The following TEC variants were observed in gnomAD, a reference collection of about 807,000 sequenced individuals.
The protein encoded by TEC is tyrosine-protein kinase Tec.
A neutral mutation model predicts 93.0 loss-of-function variants in TEC; 72 were observed. That is an observed-to-expected ratio of 0.77 (90% CI 0.64 to 0.94). The LOEUF is 0.94. Ranked by LOEUF, TEC falls within the 40% of genes least tolerant of loss-of-function variation. The pLI is 0.00. For synonymous variants in TEC, 249 were observed against 247.7 expected, an observed-to-expected ratio of 1.01 and a Z score of -0.05; for missense variants, 630 against 757.9, an observed-to-expected ratio of 0.83 and a Z score of 1.98.
intron 1 of TEC, among the ~76,000 whole-genome samples, chr4:48,248,866 CTTTT>C (rs34690737): frequency 7.3e-6 from 1 of 136,826 alleles, no homozygotes; most frequent in Non-Finnish European, 1.6e-5. Context: ...TCTCCTCTTT[CTTTT>C]TTTTTTTTTT....
chr4:48,259,613 G>A (rs567950126), intron 1 of TEC, among the ~76,000 whole-genome samples: 2 of 151,950 alleles, frequency 1.3e-5, no homozygotes, highest in African/African-American at 4.8e-5. Context: ...TTATTCAGGA[G>A]GCTGAGGCAT....
intron 1 of TEC, among the ~76,000 whole-genome samples, chr4:48,233,270 G>T (rs777870307): frequency 2.0e-5 from 3 of 151,578 alleles, no homozygotes; most frequent in Non-Finnish European, 2.9e-5. Flanking sequence ...AAATGGCACA[G>T]CCAGACTACC....
At chr4:48,265,915 A>G (rs1724629123) in intron 1 of TEC, among the ~76,000 whole-genome samples, 1 of 152,184 alleles carries the variant, frequency 6.6e-6, no homozygotes, top group Admixed American at 6.5e-5. Flanking sequence ...ACCTAGGCAC[A>G]GTGTCGTGAA....
At chr4:48,195,831 ACTCT>A (rs1044691681) in intron 2 of TEC, among the ~76,000 whole-genome samples, 4 of 152,092 alleles carry the variant, frequency 2.6e-5, no homozygotes, top group African/African-American at 7.2e-5. Context: ...AGTGAAACTA[ACTCT>A]CATTCATCCC....
chr4:48,182,239 C>A (rs1274548430), intron 2 of TEC, among the ~76,000 whole-genome samples: 1 of 150,500 alleles, frequency 6.6e-6, no homozygotes, highest in Non-Finnish European at 1.5e-5. Flanking sequence ...GAGCCAAGAT[C>A]GCACCACTGC....
chr4:48,210,515 GGATGAT>G (rs1209026503), intron 2 of TEC, among the ~76,000 whole-genome samples: 5 of 143,524 alleles, frequency 3.5e-5, no homozygotes, highest in African/African-American at 5.0e-5. Context: ...AGGAGGAGGA[GGATGAT>G]GAGGAGGAGG....
intron 2 of TEC, among the ~76,000 whole-genome samples, chr4:48,210,375 C>G (rs967795356): frequency 3.3e-5 from 5 of 151,808 alleles, no homozygotes; most frequent in Admixed American, 2.6e-4. Flanking sequence ...CATCCTGGTC[C>G]TTAGGAGGCC....
chr4:48,152,670 T>C lies in TEC; in HGVS notation c.793-1728A>G, dbSNP rs78853899. On this transcript the variant is annotated intron_variant, in intron 9 of 17. Coordinates refer to ENST00000381501, the MANE Select transcript of TEC (RefSeq NM_003215.3). Reference sequence around the variant, plus strand: ...TGCACCAGGTCATGCAGCTAGTAAGTAGCAGAGCCAGGATTTGGTCCCCAG... The same window carrying C: ...TGCACCAGGTCATGCAGCTAGTAAGCAGCAGAGCCAGGATTTGGTCCCCAG... Among the ~76,000 whole-genome samples, 1,089 of 152,202 alleles carry C rather than the reference T, an allele frequency of 7.2e-3. 15 individuals carry two copies. Among genetic ancestry groups the C allele is most frequent in the African/African-American group, 0.025 (1,026 of 41,532 alleles).
intron 2 of TEC, among the ~76,000 whole-genome samples, chr4:48,222,159 T>C (rs1361732302): frequency 6.6e-6 from 1 of 152,094 alleles, no homozygotes; most frequent in Non-Finnish European, 1.5e-5. Context: ...GCTGGATAGA[T>C]GGATCCTGGC....
intron 15 of TEC, among the ~76,000 whole-genome samples, chr4:48,140,655 CA>C (rs1256323890): frequency 1.3e-5 from 2 of 152,186 alleles, no homozygotes; most frequent in African/African-American, 4.8e-5. Flanking sequence ...GGCTGTGTCT[CA>C]ATCACGCTAT....
In TEC at chr4:48,159,220, A is replaced by G. The variant is rs545965866; in HGVS notation, c.738-2486T>C. Among the ~76,000 whole-genome samples the G allele has an allele frequency of 2.0e-5, 3 of 152,226 alleles. No individual in the cohort carries two copies. In the East Asian group the frequency reaches 5.8e-4, roughly 29 times the overall value. On this transcript the variant is annotated intron_variant, in intron 8 of 17. Transcript: ENST00000381501. ...AGGCTGGCTAATTTATAAAGAGAAG[A>G]GGTATATTTGGCTCATGGTCCTGCA... is the stretch of plus-strand genomic sequence containing the variant.
At chr4:48,201,705 G>C (rs1722514864) in intron 2 of TEC, among the ~76,000 whole-genome samples, 1 of 152,180 alleles carries the variant, frequency 6.6e-6, no homozygotes, top group African/African-American at 2.4e-5. Context: ...CCAGAAGGAG[G>C]CTAAGGAAGG....
At chr4:48,240,122 A>G (rs2109655420) in intron 1 of TEC, among the ~76,000 whole-genome samples, 1 of 152,266 alleles carries the variant, frequency 6.6e-6, no homozygotes, top group Admixed American at 6.5e-5. Flanking sequence ...ATGGAAGAGT[A>G]TAGACAAAAT....
In TEC at chr4:48,165,679, T is replaced by C. The variant is rs572528772; in HGVS notation, c.672-1912A>G. ...ATACAAGAAACACAGGCATATTAAG[T>C]GACACCACAAGAAAACAATCTGTTT... On this transcript the variant is annotated intron_variant, in intron 7 of 17. Coordinates refer to ENST00000381501, the MANE Select transcript of TEC (RefSeq NM_003215.3). 2.8e-4 allele frequency among the ~76,000 whole-genome samples: 43 copies of C among 152,302 alleles called. 1 individual carries two copies. In the South Asian group the frequency reaches 8.9e-3, roughly 32 times the overall value.
intron 1 of TEC, among the ~76,000 whole-genome samples, chr4:48,258,486 T>C (rs1369474769): frequency 6.6e-6 from 1 of 152,174 alleles, no homozygotes; most frequent in African/African-American, 2.4e-5. Flanking sequence ...AGACTTGAGA[T>C]CAACTGTTTA....
At chr4:48,139,141 C>G in intron 15 of TEC, 119 bp from the exon 16 acceptor site, 1 of 827,952 alleles carries the variant, frequency 1.2e-6, no homozygotes, top group South Asian at 1.7e-5. Context: ...CAACAAGCAT[C>G]CGGTTGAAGC....
intron 2 of TEC, among the ~76,000 whole-genome samples, chr4:48,201,952 A>ATTTTTTT (rs780630248): frequency 5.1e-5 from 6 of 116,544 alleles, no homozygotes; most frequent in East Asian, 2.4e-4. Flanking sequence ...ACTGTGGCTT[A>ATTTTTTT]TTTTTTTTTT....
chr4:48,158,040 T>C (rs1720473297), intron 8 of TEC, among the ~76,000 whole-genome samples: 1 of 152,240 alleles, frequency 6.6e-6, no homozygotes, highest in African/African-American at 2.4e-5. Flanking sequence ...ACCACAGTCA[T>C]ATACCCTGAG....
intron 2 of TEC, among the ~76,000 whole-genome samples, chr4:48,184,770 T>TACACACACACACAC (rs58704241): frequency 1.1e-4 from 16 of 141,048 alleles, no homozygotes; most frequent in Middle Eastern, 3.6e-3. Flanking sequence ...ACAAAAAAAA[T>TACACACACACACAC]ACACACACAC....
Sources: gnomAD v4.1 joint callset for allele counts (sites outside exome capture counted in the v4.1 genomes callset) on GRCh38, gnomAD v4.1.1 for gene constraint, MANE v1.5 for transcripts, NCBI Gene and HGNC (gene_info 2026-07-23, HGNC 2026-07-21) for gene names.